Variants in BCAS4 observed in about 807,000 individuals in gnomAD.
BCAS4 encodes the protein breast carcinoma amplified sequence 4, also known as breast carcinoma-amplified sequence 4.
BCAS4 carries 9 observed loss-of-function variants against 15.7 expected under a neutral mutation model. The ratio of observed to expected loss-of-function variants is 0.57; its 90% confidence interval spans 0.34 to 1.00. BCAS4 has a LOEUF of 1.00. Among genes scored for constraint, BCAS4 ranks in the 50% least tolerant of loss-of-function variants. The pLI is 0.02. For synonymous variants in BCAS4, 101 were observed against 99.5 expected, an observed-to-expected ratio of 1.02 and a Z score of -0.09; for missense variants, 225 against 239.1, an observed-to-expected ratio of 0.94 and a Z score of 0.39.
At chr20:50,836,100 T>C (rs1411551560) in intron 3 of BCAS4, among the ~76,000 whole-genome samples, 2 of 152,112 alleles carry the variant, frequency 1.3e-5, no homozygotes, top group African/African-American at 4.8e-5. Flanking sequence ...GTAGTTTTAG[T>C]AGAGACGGAG....
At chr20:50,870,864 A>G (rs2122680811) in intron 4 of BCAS4, among the ~76,000 whole-genome samples, 1 of 152,166 alleles carries the variant, frequency 6.6e-6, no homozygotes. Context: ...GCGCCCCAGC[A>G]CTCCCTGTGG....
chr20:50,818,261 G>A lies in BCAS4; in HGVS notation c.141G>A (p.Glu47=). The change falls in exon 2 of 5, where the codon GAG becomes GAA. Residue 47 remains glutamate, a synonymous_variant. Coordinates refer to ENST00000371608, the MANE Select transcript of BCAS4 (RefSeq NM_198799.4). ...TIEGMLLRLE[E]FCSLADLIRS... is the part of the protein sequence containing the mutation. ...AGGGCATGCTCCTCAGGCTGGAAGA[G>A]TTTTGCAGCCTGGCTGACCTGGTGA... is the stretch of plus-strand genomic sequence containing the variant. The A allele has an allele frequency of 6.2e-7, 1 of 1,613,860 alleles. No homozygotes were observed. The highest frequency in any genetic ancestry group is 8.5e-7 in the Non-Finnish European group (1 of 1,179,946).
intron 2 of BCAS4, among the ~76,000 whole-genome samples, chr20:50,822,192 C>T (rs1003591203): frequency 2.0e-5 from 3 of 152,018 alleles, no homozygotes; most frequent in African/African-American, 4.8e-5. Flanking sequence ...ACGTGGCTGG[C>T]GTGGGCTTCC....
At chr20:50,853,132 C>A (rs1475976884) in intron 4 of BCAS4, among the ~76,000 whole-genome samples, 2 of 151,130 alleles carry the variant, frequency 1.3e-5, no homozygotes, top group Non-Finnish European at 2.9e-5. Context: ...TAACAACATC[C>A]CCTTTCATTT....
At chr20:50,848,440 T>C (rs577130699) in intron 4 of BCAS4, among the ~76,000 whole-genome samples, 2 of 152,134 alleles carry the variant, frequency 1.3e-5, no homozygotes, top group Non-Finnish European at 2.9e-5. Context: ...CACCTGAGCT[T>C]GGTGCTTGAG....
intron 1 of BCAS4, among the ~76,000 whole-genome samples, chr20:50,799,741 C>G (rs1258374450): frequency 6.6e-6 from 1 of 152,228 alleles, no homozygotes; most frequent in Non-Finnish European, 1.5e-5. Context: ...GGCCCTTCCC[C>G]TGTGGCACTG....
chr20:50,851,589 C>T lies in BCAS4; in HGVS notation c.399+9689C>T, dbSNP rs1394116099. ...TTTGTTGGGCCCTATGTGGAAGCAC[C>T]CCAACTTTGCCCTGGTTGGTGGGAC... On this transcript the variant is annotated intron_variant, in intron 4 of 4. Transcript: ENST00000371608. The surrounding 1 kb of genome is among the most constrained non-coding windows in gnomAD (Gnocchi z 4.3). Among the ~76,000 whole-genome samples, 2 of 152,088 alleles carry T rather than the reference C, an allele frequency of 1.3e-5. No individual in the cohort carries two copies. Among genetic ancestry groups the T allele is most frequent in the South Asian group, 2.1e-4 (1 of 4,828 alleles).
At chr20:50,803,916 C>T (rs562504337) in intron 1 of BCAS4, among the ~76,000 whole-genome samples, 37 of 152,002 alleles carry the variant, frequency 2.4e-4, no homozygotes, top group Non-Finnish European at 3.4e-4. Flanking sequence ...AAAAGCTCTC[C>T]AGGAGGATTT....
At chr20:50,875,619 A>AAG (rs1555807422) in intron 4 of BCAS4, among the ~76,000 whole-genome samples, 2 of 151,206 alleles carry the variant, frequency 1.3e-5, no homozygotes, top group African/African-American at 4.9e-5. Context: ...AAAAAAAAAA[A>AAG]AAAGAAAAAA....
intron 2 of BCAS4, among the ~76,000 whole-genome samples, chr20:50,821,234 T>C (rs1341511176): frequency 1.3e-5 from 2 of 152,230 alleles, no homozygotes; most frequent in Non-Finnish European, 2.9e-5. Flanking sequence ...GAGGATCCCA[T>C]GTTCCAAGAA....
At chr20:50,827,181 A>G (rs2088287554) in intron 2 of BCAS4, among the ~76,000 whole-genome samples, 2 of 152,306 alleles carry the variant, frequency 1.3e-5, no homozygotes, top group South Asian at 2.1e-4. Flanking sequence ...TCCTTAGTCT[A>G]TTCCGGTCTG....
chr20:50,803,400 A>C (rs967466580), intron 1 of BCAS4, among the ~76,000 whole-genome samples: 5 of 152,228 alleles, frequency 3.3e-5, no homozygotes, highest in African/African-American at 1.2e-4. Context: ...ACAGAAGGCA[A>C]AAATATGTAT....
intron 1 of BCAS4, among the ~76,000 whole-genome samples, chr20:50,798,997 A>G (rs951211983): frequency 1.3e-5 from 2 of 152,180 alleles, no homozygotes; most frequent in African/African-American, 4.8e-5. Context: ...TTTGCCAGGC[A>G]GGGTCCTGGG....
In BCAS4 at chr20:50,840,455, G is replaced by C. The variant is rs139048990; in HGVS notation, c.265-1311G>C. On this transcript the variant is annotated intron_variant, in intron 3 of 4. Coordinates refer to ENST00000371608, the MANE Select transcript of BCAS4 (RefSeq NM_198799.4). ...ATAGACAGATGGGAGAGGCAGTCGC[G>C]GCCTTCGTTGTCAGTAGTTCTTTGA... 4 of 864,942 alleles carry C rather than the reference G, an allele frequency of 4.6e-6. No homozygotes were observed. The South Asian group carries it at 5.5e-5, about 12-fold the overall frequency. 53.6% of individuals were successfully genotyped at this position (864,942 alleles called of 1,614,324 possible). A position where few individuals can be genotyped will look rare whatever the true frequency, so the allele number is the denominator to read the frequency against.
At chr20:50,866,988 A>G (rs1979390588) in intron 4 of BCAS4, among the ~76,000 whole-genome samples, 1 of 152,044 alleles carries the variant, frequency 6.6e-6, no homozygotes, top group South Asian at 2.1e-4. Context: ...GAATTAAGAG[A>G]GGCTGGGGCT....
At chr20:50,871,931 G>A (rs1979665255) in intron 4 of BCAS4, among the ~76,000 whole-genome samples, 1 of 152,166 alleles carries the variant, frequency 6.6e-6, no homozygotes, top group South Asian at 2.1e-4. Flanking sequence ...GGAGCTGCTC[G>A]GATGGGGAGT....
At chr20:50,809,699 A>G (rs1397940189) in intron 1 of BCAS4, among the ~76,000 whole-genome samples, 3 of 152,038 alleles carry the variant, frequency 2.0e-5, no homozygotes, top group Non-Finnish European at 4.4e-5. Context: ...TTTTGGCAGT[A>G]TGGTCATTTT....
At chr20:50,810,513 G>A (rs573985957) in intron 1 of BCAS4, among the ~76,000 whole-genome samples, 8 of 152,020 alleles carry the variant, frequency 5.3e-5, no homozygotes, top group African/African-American at 1.9e-4. Flanking sequence ...AAAAACCTGT[G>A]TCCTCCGGAG....
intron 3 of BCAS4, among the ~76,000 whole-genome samples, chr20:50,840,049 A>G (rs1017880785): frequency 4.0e-5 from 6 of 151,268 alleles, no homozygotes; most frequent in Admixed American, 2.0e-4. Context: ...TAATTTTTCA[A>G]TTTTTTGTAG....
Sources: gnomAD v4.1 joint callset for allele counts (sites outside exome capture counted in the v4.1 genomes callset) on GRCh38, gnomAD v4.1.1 for gene constraint, Gnocchi (gnomAD v3.1) non-coding constraint, MANE v1.5 for transcripts, NCBI Gene and HGNC (gene_info 2026-07-23, HGNC 2026-07-21) for gene names.